The following ABCA8 variants were observed in gnomAD, a reference collection of about 807,000 sequenced individuals.
The protein encoded by ABCA8 is ABC-type organic anion transporter ABCA8.
ABCA8 carries 177 observed loss-of-function variants against 192.3 expected under a neutral mutation model. The ratio of observed to expected loss-of-function variants is 0.92; its 90% confidence interval spans 0.81 to 1.04. The LOEUF is 1.04. Ranked by LOEUF, ABCA8 falls within the 50% of genes least tolerant of loss-of-function variation. The pLI is 0.00. For synonymous variants in ABCA8, 642 were observed against 690.2 expected (o/e 0.93, Z 1.09); for missense variants, 1,915 against 1,904.8 (o/e 1.01, Z -0.10).
Position 68,903,346 on chromosome 17 carries a change from A to G in ABCA8, c.2552T>C (p.Val851Ala), listed in dbSNP as rs774890898. ...TTCATGCTTTAACTTTAACAAGCGAACCCTTGCAATTGCGCAGATTTGCTG... is the reference window on the plus strand; with the variant it reads ...TTCATGCTTTAACTTTAACAAGCGAGCCCTTGCAATTGCGCAGATTTGCTG... ...WRQQICAIARVRLLKLKHERK... is the reference protein window; with the variant it reads ...WRQQICAIARARLLKLKHERK... Residue 851 changes from valine (V) to alanine (A), a missense_variant, in exon 20 of 40, where the codon GTT (valine) becomes GCT (alanine). Physicochemically the swap from Val to Ala is moderately conservative, Grantham distance 64. Coordinates refer to ENST00000586539, the MANE Select transcript of ABCA8 (RefSeq NM_001288985.2). 1.2e-6 allele frequency: 2 copies of G among 1,614,060 alleles called. No individual in the cohort carries two copies. Among genetic ancestry groups the G allele is most frequent in the African/African-American group, 1.3e-5 (1 of 74,914 alleles).
chr17:68,913,535 A>G (rs2067275407), intron 17 of ABCA8, among the ~76,000 whole-genome samples: 1 of 152,092 alleles, frequency 6.6e-6, no homozygotes, highest in East Asian at 1.9e-4. Flanking sequence ...AAATAAAATC[A>G]GAGATAAATA....
Position 68,932,528 on chromosome 17 carries a change from T to G in ABCA8, c.571-14A>C. 6.4e-7 allele frequency: 1 copy of G among 1,571,544 alleles called. No homozygotes were observed. The highest frequency in any genetic ancestry group is 1.1e-5 in the South Asian group (1 of 89,938). The stretch of plus-strand genomic sequence containing the variant: ...ATTTGTTGTGATCTGAAGAAAGGCA[T>G]TAATAAGCAAAATTTGTACGTTAAT... On this transcript the variant is annotated splice_polypyrimidine_tract_variant and intron_variant, in intron 6 of 39. Coordinates refer to ENST00000586539, the MANE Select transcript of ABCA8 (RefSeq NM_001288985.2).
intron 26 of ABCA8, 165 bp downstream of exon 26, chr17:68,886,852 T>G (rs2066473545): frequency 2.6e-6 from 1 of 381,296 alleles, no homozygotes; most frequent in South Asian, 7.9e-5. Context: ...ATTAGGGACT[T>G]TGGTGAAGTA....
intron 27 of ABCA8, 195 bp downstream of exon 27, chr17:68,885,001 C>A: frequency 1.6e-6 from 1 of 634,482 alleles, no homozygotes; most frequent in Non-Finnish European, 2.0e-6. Context: ...ATATATTAAT[C>A]AGGACCAAAT....
At chr17:68,950,309 A>G (rs550757856) in intron 1 of ABCA8, among the ~76,000 whole-genome samples, 18 of 152,280 alleles carry the variant, frequency 1.2e-4, no homozygotes, top group East Asian at 1.2e-3. Context: ...TCAAGCTACC[A>G]TTGACTTTCT....
At chr17:68,919,208 T>C in intron 14 of ABCA8, 93 bp downstream of exon 14, 1 of 1,202,462 alleles carries the variant, frequency 8.3e-7, no homozygotes, top group Non-Finnish European at 1.2e-6. Context: ...TGTACAATGA[T>C]TTGCGCACAA....
chr17:68,896,283 A>G (rs2080624148), intron 21 of ABCA8, among the ~76,000 whole-genome samples: 1 of 151,404 alleles, frequency 6.6e-6, no homozygotes, highest in Admixed American at 6.6e-5. Flanking sequence ...AGCAAAACAG[A>G]GAGTTAAGAA....
chr17:68,909,973 C>T (rs2067191880), intron 17 of ABCA8, among the ~76,000 whole-genome samples: 1 of 152,010 alleles, frequency 6.6e-6, no homozygotes, highest in Non-Finnish European at 1.5e-5. Context: ...TTTCTGATTC[C>T]AGCACTTCTT....
Position 68,881,905 on chromosome 17 carries a change from T to G in ABCA8, c.3904A>C (p.Asn1302His). ...KRKGCFSKRK[N>H]KIATRNVSFC... is the part of the protein sequence containing the mutation. ...GAGACATTTCTCGTGGCTATCTTAT[T>G]CTTCCTCTTGGAAAAACAGCCTTTC... The change falls in exon 31 of 40, where the codon AAT (asparagine) becomes CAT (histidine). Residue 1302 changes from asparagine to histidine, a missense_variant. Asn to His is a moderately conservative substitution (Grantham distance 68). Coordinates refer to ENST00000586539, the MANE Select transcript of ABCA8 (RefSeq NM_001288985.2). The G allele has an allele frequency of 6.2e-7, 1 of 1,614,168 alleles. No homozygotes were observed. The highest frequency in any genetic ancestry group is 1.1e-5 in the South Asian group (1 of 91,080).
chr17:68,912,098 C>T (rs139951572), intron 17 of ABCA8, among the ~76,000 whole-genome samples: 4 of 152,140 alleles, frequency 2.6e-5, no homozygotes, highest in Admixed American at 6.5e-5. Context: ...AAAAACATGA[C>T]CTCACCAAAT....
chr17:68,932,256 C>A (rs1395971204), intron 7 of ABCA8, 32 bp downstream of exon 7: 1 of 1,515,100 alleles, frequency 6.6e-7, no homozygotes, highest in South Asian at 1.2e-5. Context: ...CTGAGTTCCT[C>A]CGTTTATTTA....
At chr17:68,928,092 G>A (rs758830636) in intron 9 of ABCA8, 29 bp from the exon 10 acceptor site, 15 of 1,523,640 alleles carry the variant, frequency 9.8e-6, no homozygotes, top group African/African-American at 7.0e-5. Flanking sequence ...TTAATTAAGG[G>A]AAATTAGGTA....
At chr17:68,950,295 C>T (rs1250650550) in intron 1 of ABCA8, among the ~76,000 whole-genome samples, 2 of 152,100 alleles carry the variant, frequency 1.3e-5, no homozygotes, top group African/African-American at 4.8e-5. Context: ...CAATGCTATT[C>T]CCATCAAGCT....
At chr17:68,903,958 C>T (rs909414883) in intron 19 of ABCA8, among the ~76,000 whole-genome samples, 1 of 152,062 alleles carries the variant, frequency 6.6e-6, no homozygotes, top group Non-Finnish European at 1.5e-5. Flanking sequence ...TGTGTGTTCT[C>T]TATAATCTCT....
At chr17:68,939,646 G>C (rs1016258351) in intron 4 of ABCA8, among the ~76,000 whole-genome samples, 8 of 152,044 alleles carry the variant, frequency 5.3e-5, no homozygotes, top group Admixed American at 1.3e-4. Flanking sequence ...AGCACACAAA[G>C]CTGTATATCG....
At chr17:68,920,354 G>T (rs144216026) in intron 13 of ABCA8, among the ~76,000 whole-genome samples, 2 of 151,216 alleles carry the variant, frequency 1.3e-5, no homozygotes, top group South Asian at 2.1e-4. Flanking sequence ...CCCCCATGAC[G>T]TGTTTATCTA....
In ABCA8 at chr17:68,902,846, A is replaced by G. The variant is rs761465375; in HGVS notation, c.2631T>C (p.Leu877=). 1 of 1,613,242 alleles carries G rather than the reference A, an allele frequency of 6.2e-7. No individual in the cohort carries two copies. The highest frequency in any genetic ancestry group is 2.2e-5 in the East Asian group (1 of 44,840). Residue 877 remains leucine, a synonymous_variant, in exon 21 of 40, where the codon CTT becomes CTC. Coordinates refer to ENST00000586539, the MANE Select transcript of ABCA8 (RefSeq NM_001288985.2). ...LLILMAGFCP[L]LVEYTMVKIY... ...TTTTCACCATGGTATACTCCACAAGAAGAGGGCAAAATCCAGCCATTAGAA... is the reference window on the plus strand; with the variant it reads ...TTTTCACCATGGTATACTCCACAAGGAGAGGGCAAAATCCAGCCATTAGAA...
Position 68,924,756 on chromosome 17 carries a change from A to G in ABCA8, c.1387T>C (p.Phe463Leu), listed in dbSNP as rs765327188. 3 of 1,614,012 alleles carry G rather than the reference A, an allele frequency of 1.9e-6. No individual in the cohort carries two copies. Among genetic ancestry groups the G allele is most frequent in the Non-Finnish European group, 2.5e-6 (3 of 1,179,998 alleles). Residue 463 changes from phenylalanine to leucine, a missense_variant, in exon 11 of 40, where the codon TTT becomes CTT. Transcript: ENST00000586539. ...LEDEMDADPS[F>L]HDSFEQAPPE... ...GGCGCTTGTTCAAAAGAGTCATGAAATGAAGGATCGGCATCCATTTCATCT... is the reference window on the plus strand; with the variant it reads ...GGCGCTTGTTCAAAAGAGTCATGAAGTGAAGGATCGGCATCCATTTCATCT...
At chr17:68,897,637 A>C (rs2066799695) in intron 21 of ABCA8, among the ~76,000 whole-genome samples, 2 of 152,208 alleles carry the variant, frequency 1.3e-5, no homozygotes, top group South Asian at 4.1e-4. Flanking sequence ...CTCACCAAAC[A>C]GATTATACCA....
Sources: allele counts gnomAD v4.1 joint callset (sites outside exome capture counted in the v4.1 genomes callset), GRCh38; gene constraint gnomAD v4.1.1; transcripts MANE v1.5; gene names NCBI Gene and HGNC (gene_info 2026-07-23, HGNC 2026-07-21).